The following COL9A1 variants were observed in gnomAD, a reference collection of about 807,000 sequenced individuals.
COL9A1 encodes collagen alpha-1(IX) chain.
Under a neutral mutation model 142.6 loss-of-function variants are expected in COL9A1, and 104 were observed. That is an observed-to-expected ratio of 0.73 (90% confidence interval 0.62 to 0.86). The LOEUF (loss-of-function observed/expected upper bound fraction) is 0.86, where lower values mean the gene tolerates loss of function less well. COL9A1 is among the 40% of genes least tolerant of loss of function. The pLI is 0.00. For missense variants in COL9A1, 1,210 were observed against 1,176.6 expected (o/e 1.03, Z -0.42); for synonymous variants, 466 against 396.0 (o/e 1.18, Z -2.10).
At chr6:70,242,169 G>C (rs912539483) in intron 29 of COL9A1, 134 bp from the exon 30 acceptor site, 1 of 773,528 alleles carries the variant, frequency 1.3e-6, no homozygotes, top group African/African-American at 1.7e-5. Flanking sequence ...CTGCTTCTTG[G>C]GTTTGCCTCT....
chr6:70,289,319 G>A (rs1773572191), intron 5 of COL9A1, among the ~76,000 whole-genome samples: 2 of 151,940 alleles, frequency 1.3e-5, no homozygotes, highest in South Asian at 4.2e-4. Context: ...CAACACTATG[G>A]GCACAGCTGA....
At chr6:70,282,848 T>C (rs768444797) in intron 7 of COL9A1, 50 bp downstream of exon 7, 22 of 1,613,678 alleles carry the variant, frequency 1.4e-5, no homozygotes, top group Non-Finnish European at 1.8e-5. Flanking sequence ...CGCCCCGACC[T>C]GTCCTCGTGT....
intron 4 of COL9A1, among the ~76,000 whole-genome samples, chr6:70,297,097 T>C (rs550496769): frequency 6.6e-6 from 1 of 152,250 alleles, no homozygotes; most frequent in South Asian, 2.1e-4. Flanking sequence ...TCCCAATTTG[T>C]GTTTCATTCA....
At position 70,302,090 on chromosome 6, in the gene COL9A1, G is replaced by GA. The variant is rs1482359654; in HGVS notation, c.15-17dup. 2.5e-6 allele frequency: 4 copies of GA among 1,589,090 alleles called. No individual in the cohort carries two copies. The highest frequency in any genetic ancestry group is 3.4e-6 in the Non-Finnish European group (4 of 1,162,546). ...TGGAATTTTCCTGAAGAAGAGAGAA[G>GA]AAAAATGACTGAAACAGGAGTCCCC... On this transcript the variant is annotated splice_polypyrimidine_tract_variant and intron_variant, in intron 1 of 37. Transcript: ENST00000357250.
At chr6:70,257,048 ATTTTTTTT>A (rs542296705) in intron 20 of COL9A1, among the ~76,000 whole-genome samples, 125 of 105,042 alleles carry the variant, frequency 1.2e-3, no homozygotes, top group African/African-American at 4.3e-3. Flanking sequence ...CCACTCTGTA[ATTTTTTTT>A]TTTTTTTTTT....
chr6:70,291,940 C>T (rs1352816597), intron 5 of COL9A1, among the ~76,000 whole-genome samples: 2 of 152,092 alleles, frequency 1.3e-5, no homozygotes, highest in Non-Finnish European at 2.9e-5. Context: ...TCTCTACTTT[C>T]CATCTTACAA....
intron 10 of COL9A1, among the ~76,000 whole-genome samples, chr6:70,276,697 G>T (rs1458808248): frequency 6.6e-5 from 10 of 152,140 alleles, no homozygotes; most frequent in Non-Finnish European, 2.9e-5. Context: ...CTAACATGTT[G>T]TCCTGGCATC....
Position 70,283,817 on chromosome 6 carries a change from C to T in COL9A1, c.700G>A (p.Glu234Lys), listed in dbSNP as rs1242964288. The change falls in exon 6 of 38, where the codon GAA becomes AAA. Residue 234 changes from glutamate to lysine, a missense_variant. Coordinates refer to ENST00000357250, the MANE Select transcript of COL9A1 (RefSeq NM_001851.6). The stretch of plus-strand genomic sequence containing the variant: ...CAATGGATCAGCATCCATTGAAGTT[C>T]AAACTGGAGAAAGGTAGTAGACAGT... The part of the protein sequence containing the change: ...ADNPQVSVPF[E>K]LQWMLIHCDP... 6.2e-7 allele frequency: 1 copy of T among 1,604,466 alleles called. No homozygotes were observed. Among genetic ancestry groups the T allele is most frequent in the East Asian group, 2.2e-5 (1 of 44,742 alleles).
At chr6:70,241,132 T>C (rs186716817) in intron 31 of COL9A1, among the ~76,000 whole-genome samples, 5 of 152,306 alleles carry the variant, frequency 3.3e-5, no homozygotes, top group African/African-American at 7.2e-5. Flanking sequence ...GAAGGCTCCA[T>C]TGGATATGAA....
intron 37 of COL9A1, among the ~76,000 whole-genome samples, chr6:70,224,880 C>T (rs973817308): frequency 6.6e-6 from 1 of 151,976 alleles, no homozygotes; most frequent in Non-Finnish European, 1.5e-5. Flanking sequence ...TTTGAGTTAT[C>T]TCCAAACATT....
chr6:70,279,234 G>A (rs971256020), intron 10 of COL9A1, among the ~76,000 whole-genome samples: 30 of 152,206 alleles, frequency 2.0e-4, no homozygotes, highest in South Asian at 4.1e-4. Flanking sequence ...TTTTATTATG[G>A]TATGACAATT....
At chr6:70,295,494 G>T (rs770702166) in intron 4 of COL9A1, among the ~76,000 whole-genome samples, 3 of 151,748 alleles carry the variant, frequency 2.0e-5, no homozygotes, top group Non-Finnish European at 2.9e-5. Context: ...CGCCATGTCA[G>T]TCAGGCTGGT....
Position 70,281,389 on chromosome 6 carries a change from C to G in COL9A1, c.876+1G>C, listed in dbSNP as rs202232444. On this transcript the variant is annotated splice_donor_variant, in intron 8 of 37. Transcript: ENST00000357250. LOFTEE classifies it high-confidence loss of function. The stretch of plus-strand genomic sequence containing the variant: ...GAGGTGGCCTGGAGATAGAAACTTA[C>G]GTCGATGCCATCGATGCCTGGAACT... 133 of 1,612,096 alleles carry G rather than the reference C, an allele frequency of 8.3e-5. No individual in the cohort carries two copies. The highest frequency in any genetic ancestry group is 1.1e-4 in the Non-Finnish European group (126 of 1,179,170).
At chr6:70,297,110 C>G (rs914271809) in intron 4 of COL9A1, among the ~76,000 whole-genome samples, 2 of 152,074 alleles carry the variant, frequency 1.3e-5, no homozygotes, top group South Asian at 4.1e-4. Context: ...TTCATTCAAT[C>G]TTTCCCACTC....
rs1225522794 is a variant in COL9A1, at chr6:70,225,981, G to A, written c.2532C>T (p.Gly844=). 5.6e-6 allele frequency: 9 copies of A among 1,613,738 alleles called. No homozygotes were observed. Among genetic ancestry groups the A allele is most frequent in the African/African-American group, 1.3e-5 (1 of 74,868 alleles). Residue 844 remains glycine, a synonymous_variant, in exon 37 of 38, where the codon GGC becomes GGT. Coordinates refer to ENST00000357250, the MANE Select transcript of COL9A1 (RefSeq NM_001851.6). ...KGDLGEKGER[G]PPGRGPNGLP... ...AACCGTTGGGACCTCTTCCTGGAGGGCCACGCTCCCCCTTTTCTCCCAAGT... is the reference window on the plus strand; with the variant it reads ...AACCGTTGGGACCTCTTCCTGGAGGACCACGCTCCCCCTTTTCTCCCAAGT...
At chr6:70,252,654 A>G (rs1771018322) in intron 26 of COL9A1, among the ~76,000 whole-genome samples, 1 of 152,132 alleles carries the variant, frequency 6.6e-6, no homozygotes, top group Non-Finnish European at 1.5e-5. Context: ...CACCTCCAAT[A>G]TAATTATTTG....
At chr6:70,244,057 G>T (rs1014839251) in intron 28 of COL9A1, among the ~76,000 whole-genome samples, 1 of 152,130 alleles carries the variant, frequency 6.6e-6, no homozygotes, top group African/African-American at 2.4e-5. Flanking sequence ...AAAGTGTAAA[G>T]ATCCATAAAC....
chr6:70,255,610 T>C (rs1771231822), intron 21 of COL9A1, among the ~76,000 whole-genome samples: 1 of 152,194 alleles, frequency 6.6e-6, no homozygotes, highest in Non-Finnish European at 1.5e-5. Context: ...GGTCTTTTGT[T>C]TTCCCCTTAA....
chr6:70,267,319 G>GTTTTTTTTTT lies in COL9A1; in HGVS notation c.1288-550_1288-549insAAAAAAAAAA, dbSNP rs1050364230. Among the ~76,000 whole-genome samples the GTTTTTTTTTT allele has an allele frequency of 8.5e-3, 840 of 99,366 alleles. 22 individuals carry two copies. The highest frequency in any genetic ancestry group is 0.021 in the African/African-American group (519 of 24,498). The allele number at this position is 99,366 out of a possible 152,430, so 65.2% of individuals were successfully genotyped here. On this transcript the variant is annotated intron_variant, in intron 17 of 37. Transcript: ENST00000357250. The stretch of plus-strand genomic sequence containing the variant: ...TACATTTTTTGTTGTTGTTTGTTTG[G>GTTTTTTTTTT]TTTTTTTGTTTTTTTTTTTTGAGAT...
Sources: allele counts gnomAD v4.1 joint callset (sites outside exome capture counted in the v4.1 genomes callset), GRCh38; gene constraint gnomAD v4.1.1; transcripts MANE v1.5; gene names NCBI Gene and HGNC (gene_info 2026-07-23, HGNC 2026-07-21).